Variants in NT5M observed in about 807,000 individuals in gnomAD.
The protein encoded by NT5M is 5'(3')-deoxyribonucleotidase, mitochondrial.
Under a neutral mutation model 22.2 loss-of-function variants are expected in NT5M, and 22 were observed. The ratio of observed to expected loss-of-function variants is 0.99; its 90% CI spans 0.71 to 1.41. The LOEUF (loss-of-function observed/expected upper bound fraction) is 1.41, where lower values mean the gene tolerates loss of function less well. NT5M is among the 40% of genes most tolerant of loss of function. The pLI, the probability that NT5M is intolerant of heterozygous loss-of-function variation, is 0.00. For missense variants in NT5M, 322 were observed against 314.8 expected (o/e 1.02, Z -0.17); for synonymous variants, 167 against 133.0 (o/e 1.26, Z -1.76).
chr17:17,324,613 C>T (rs1322816759), intron 3 of NT5M, among the ~76,000 whole-genome samples: 3 of 152,040 alleles, frequency 2.0e-5, no homozygotes, highest in Non-Finnish European at 4.4e-5. Context: ...GTGCTTGGTG[C>T]CCACTGTTTC....
intron 2 of NT5M, among the ~76,000 whole-genome samples, chr17:17,322,001 G>A (rs1214567345): frequency 6.6e-6 from 1 of 152,096 alleles, no homozygotes; most frequent in Non-Finnish European, 1.5e-5. Context: ...GTGTTTGGAG[G>A]TGGAGAGGAA....
At chr17:17,326,396 C>G (rs546008551) in intron 3 of NT5M, among the ~76,000 whole-genome samples, 11 of 152,278 alleles carry the variant, frequency 7.2e-5, no homozygotes, top group African/African-American at 2.4e-4. Flanking sequence ...GATTTGGAAA[C>G]CGCGCATATT....
intron 2 of NT5M, among the ~76,000 whole-genome samples, chr17:17,319,968 G>A (rs1189874691): frequency 3.9e-5 from 6 of 152,190 alleles, no homozygotes; most frequent in Admixed American, 3.3e-4. Context: ...TCAGCCTCCC[G>A]AGTAGCTGGG....
At chr17:17,310,857 G>A (rs951203065) in intron 2 of NT5M, among the ~76,000 whole-genome samples, 3 of 152,004 alleles carry the variant, frequency 2.0e-5, no homozygotes, top group Admixed American at 2.0e-4. Context: ...GCGAGACCCT[G>A]TCTAAAAAGA....
chr17:17,325,123 C>T (rs1438213120), intron 3 of NT5M, among the ~76,000 whole-genome samples: 1 of 152,182 alleles, frequency 6.6e-6, no homozygotes, highest in East Asian at 1.9e-4. Flanking sequence ...GATTCTCATA[C>T]ACCCTCAAGT....
intron 3 of NT5M, among the ~76,000 whole-genome samples, chr17:17,335,318 T>C (rs1597793026): frequency 6.6e-6 from 1 of 151,670 alleles, no homozygotes. Context: ...AATGCAGTGG[T>C]ATGATCTCGG....
chr17:17,318,294 C>T (rs981428759), intron 2 of NT5M, among the ~76,000 whole-genome samples: 23 of 151,142 alleles, frequency 1.5e-4, no homozygotes, highest in Non-Finnish European at 2.4e-4. Flanking sequence ...CAGTGCCACA[C>T]GGCGAAACCC....
At chr17:17,322,913 G>T (rs924242853) in intron 2 of NT5M, among the ~76,000 whole-genome samples, 1 of 152,172 alleles carries the variant, frequency 6.6e-6, no homozygotes, top group African/African-American at 2.4e-5. Context: ...TAGATTTCTT[G>T]ACTTACCACT....
At chr17:17,324,664 A>T (rs776106257) in intron 3 of NT5M, among the ~76,000 whole-genome samples, 3 of 150,906 alleles carry the variant, frequency 2.0e-5, no homozygotes, top group Non-Finnish European at 4.4e-5. Context: ...TTACCCTGAC[A>T]TCCCTCATGA....
At chr17:17,315,639 A>G (rs780612454) in intron 2 of NT5M, among the ~76,000 whole-genome samples, 31 of 151,508 alleles carry the variant, frequency 2.0e-4, no homozygotes, top group Non-Finnish European at 3.5e-4. Context: ...TCTGAGTAAC[A>G]TAAAGGAACT....
chr17:17,319,213 G>GA (rs36091965), intron 2 of NT5M, among the ~76,000 whole-genome samples: 77,687 of 133,008 alleles, frequency 0.58, 23,129 homozygotes, highest in East Asian at 0.79. Flanking sequence ...CCTCGTCTTA[G>GA]AAAAAAAAAA....
intron 3 of NT5M, among the ~76,000 whole-genome samples, chr17:17,332,267 T>C (rs1164220818): frequency 1.3e-5 from 2 of 152,144 alleles, no homozygotes; most frequent in South Asian, 2.1e-4. Context: ...GTCCATTTGG[T>C]CATGGGCCTG....
At chr17:17,335,269 T>C (rs1367022826) in intron 3 of NT5M, among the ~76,000 whole-genome samples, 1 of 152,148 alleles carries the variant, frequency 6.6e-6, no homozygotes, top group Non-Finnish European at 1.5e-5. Flanking sequence ...AAGTGATTTT[T>C]TTTTTTGAGA....
At chr17:17,306,694 G>A (rs772585537) in intron 2 of NT5M, 51 bp downstream of exon 2, 9 of 1,217,298 alleles carry the variant, frequency 7.4e-6, no homozygotes, top group Non-Finnish European at 9.8e-6. Flanking sequence ...CAGCCACTGA[G>A]CCCTGTACCT....
chr17:17,316,368 T>TA (rs2049027557), intron 2 of NT5M, among the ~76,000 whole-genome samples: 1 of 98,192 alleles, frequency 1.0e-5, no homozygotes, highest in African/African-American at 3.5e-5. Context: ...GTAACTTAGG[T>TA]TTTTATTTAT....
At chr17:17,317,043 G>GT (rs1445059103) in intron 2 of NT5M, among the ~76,000 whole-genome samples, 6 of 78,340 alleles carry the variant, frequency 7.7e-5, no homozygotes, top group African/African-American at 2.5e-4. Context: ...TTTTGTTTTT[G>GT]TTTTTGTTTT....
intron 3 of NT5M, among the ~76,000 whole-genome samples, chr17:17,324,862 AAC>A (rs2049232515): frequency 6.6e-6 from 1 of 152,106 alleles, no homozygotes; most frequent in African/African-American, 2.4e-5. Context: ...ACCCCCTTTT[AAC>A]ACGCTAGGAG....
intron 2 of NT5M, among the ~76,000 whole-genome samples, chr17:17,310,468 C>G (rs2048899883): frequency 6.6e-6 from 1 of 152,092 alleles, no homozygotes; most frequent in Non-Finnish European, 1.5e-5. Flanking sequence ...AAAAGACAAA[C>G]CAATTGAAAA....
chr17:17,336,761 G>A (rs1244372003), intron 3 of NT5M, among the ~76,000 whole-genome samples: 1 of 152,024 alleles, frequency 6.6e-6, no homozygotes, highest in Non-Finnish European at 1.5e-5. Context: ...ATGTTGGTAA[G>A]GCTGGTTTTG....
Sources: gnomAD v4.1 joint callset for allele counts (sites outside exome capture counted in the v4.1 genomes callset) on GRCh38, gnomAD v4.1.1 for gene constraint, MANE v1.5 for transcripts, NCBI Gene and HGNC (gene_info 2026-07-23, HGNC 2026-07-21) for gene names.